The following REDIC1 variants were observed in gnomAD, a reference collection of about 807,000 sequenced individuals.
REDIC1 encodes regulator of DNA class I crossover intermediates 1.
the REDIC1 span, among the ~76,000 whole-genome samples, chr12:39,874,355 T>G: frequency 2.0e-5 from 3 of 152,218 alleles, no homozygotes; most frequent in South Asian, 4.1e-4. Context: ...GGCTCACACC[T>G]GTAATCCCAG....
chr12:39,716,734 T>C, the REDIC1 span: 4 of 1,533,110 alleles, frequency 2.6e-6, no homozygotes, highest in Admixed American at 1.8e-5. Context: ...CCATTATTCA[T>C]GTATTAAACC....
At chr12:39,716,852 G>C in the REDIC1 span, 1 of 1,545,208 alleles carries the variant, frequency 6.5e-7, no homozygotes, top group Non-Finnish European at 8.8e-7. Context: ...AGTGATGCTT[G>C]TTTCACTTAT....
chr12:39,795,855 AT>A, the REDIC1 span, among the ~76,000 whole-genome samples: 6 of 151,968 alleles, frequency 3.9e-5, no homozygotes, highest in African/African-American at 1.5e-4. Context: ...GCATTGGGGC[AT>A]TTTTTTCTTT....
At chr12:39,726,152 CTCTTCT>C in the REDIC1 span, among the ~76,000 whole-genome samples, 28 of 151,030 alleles carry the variant, frequency 1.9e-4, no homozygotes, top group African/African-American at 5.3e-4. Flanking sequence ...CCTCTTCCTC[CTCTTCT>C]TCTTCTTCTT....
chr12:39,716,384 G>C, the REDIC1 span, among the ~76,000 whole-genome samples: 27 of 152,074 alleles, frequency 1.8e-4, no homozygotes, highest in East Asian at 2.5e-3. Context: ...GCAAATGTCT[G>C]ATGCCTTAGG....
the REDIC1 span, among the ~76,000 whole-genome samples, chr12:39,653,548 C>CTTT: frequency 2.3e-5 from 3 of 132,392 alleles, no homozygotes; most frequent in African/African-American, 5.8e-5. Context: ...TTTTCTTCTT[C>CTTT]TTCTTCTTCT....
chr12:39,699,373 G>C, the REDIC1 span, among the ~76,000 whole-genome samples: 1 of 152,182 alleles, frequency 6.6e-6, no homozygotes, highest in Non-Finnish European at 1.5e-5. Flanking sequence ...ACTCCCATCC[G>C]AATACTGCGC....
chr12:39,805,565 T>A, the REDIC1 span, among the ~76,000 whole-genome samples: 742 of 149,382 alleles, frequency 5.0e-3, 5 homozygotes, highest in Admixed American at 0.011. Context: ...AAACAGTGTA[T>A]TTAAAAACTG....
the REDIC1 span, among the ~76,000 whole-genome samples, chr12:39,692,920 G>A: frequency 6.6e-6 from 1 of 152,022 alleles, no homozygotes; most frequent in Non-Finnish European, 1.5e-5. Context: ...AGGGATAACA[G>A]TCTTGGTTGT....
chr12:39,670,163 A>G, the REDIC1 span, among the ~76,000 whole-genome samples: 9 of 152,008 alleles, frequency 5.9e-5, no homozygotes, highest in African/African-American at 1.9e-4. Flanking sequence ...TGTAGACTGG[A>G]GCTGTTCCTA....
At chr12:39,760,270 A>G in the REDIC1 span, 20 of 1,587,784 alleles carry the variant, frequency 1.3e-5, no homozygotes, top group Non-Finnish European at 1.5e-5. Flanking sequence ...GGAATATAAT[A>G]GATACATGAA....
the REDIC1 span, among the ~76,000 whole-genome samples, chr12:39,820,737 ATATATATATATATATATATATAT>A: frequency 9.1e-4 from 5 of 5,468 alleles, no homozygotes; most frequent in African/African-American, 2.9e-3. Flanking sequence ...ATATATATAT[ATATATATATATATATATATATAT>A]ATATATATAT....
chr12:39,676,639 C>A, the REDIC1 span, among the ~76,000 whole-genome samples: 146 of 152,074 alleles, frequency 9.6e-4, 3 homozygotes, highest in Non-Finnish European at 2.1e-4. Context: ...AGATGATCAC[C>A]TAGGTAAATA....
chr12:39,778,011 T>C, the REDIC1 span, among the ~76,000 whole-genome samples: 8 of 152,246 alleles, frequency 5.3e-5, no homozygotes, highest in Admixed American at 3.3e-4. Flanking sequence ...ACACGCCCAC[T>C]GGGGCTTCAG....
chr12:39,763,506 A>G, the REDIC1 span, among the ~76,000 whole-genome samples: 18 of 152,194 alleles, frequency 1.2e-4, no homozygotes, highest in South Asian at 3.1e-3. Context: ...GAATGTAACA[A>G]TGAACAAGGC....
chr12:39,826,918 T>C, the REDIC1 span, among the ~76,000 whole-genome samples: 3 of 143,804 alleles, frequency 2.1e-5, no homozygotes, highest in African/African-American at 7.6e-5. Flanking sequence ...CTGTCACACC[T>C]GGTGGCTTCC....
the REDIC1 span, among the ~76,000 whole-genome samples, chr12:39,812,177 C>T: frequency 6.6e-6 from 1 of 151,978 alleles, no homozygotes; most frequent in African/African-American, 2.4e-5. Context: ...GGTTCATAGC[C>T]ATCTTTCATC....
the REDIC1 span, among the ~76,000 whole-genome samples, chr12:39,815,676 T>G: frequency 6.6e-6 from 1 of 152,178 alleles, no homozygotes; most frequent in African/African-American, 2.4e-5. Flanking sequence ...TGGAAAGCAG[T>G]TCTACTAAAG....
At chr12:39,698,142 TAA>T in the REDIC1 span, among the ~76,000 whole-genome samples, 1 of 152,074 alleles carries the variant, frequency 6.6e-6, no homozygotes, top group African/African-American at 2.4e-5. Flanking sequence ...ACAAAAATTA[TAA>T]GAGACAAAAG....
Sources: allele counts gnomAD v4.1 joint callset (sites outside exome capture counted in the v4.1 genomes callset), GRCh38; gene constraint gnomAD v4.1.1; transcripts MANE v1.5; gene names NCBI Gene and HGNC (gene_info 2026-07-23, HGNC 2026-07-21).